TRIO: variants seen among roughly 807,000 people sequenced by gnomAD.
TRIO encodes triple functional domain protein.
A neutral mutation model predicts 351.9 loss-of-function variants in TRIO; 58 were observed. That is an observed-to-expected ratio of 0.16 (90% CI 0.13 to 0.21). TRIO has a LOEUF of 0.21. Among genes scored for constraint, TRIO ranks in the 10% least tolerant of loss-of-function variants. The pLI is 1.00. For missense variants in TRIO, 3,201 were observed against 4,027.8 expected, an observed-to-expected ratio of 0.79 and a Z score of 5.56; for synonymous variants, 1,758 against 1,595.7, an observed-to-expected ratio of 1.10 and a Z score of -2.42.
chr5:14,487,232 A>G (rs1455000735), intron 47 of TRIO, among the ~76,000 whole-genome samples: 1 of 152,140 alleles, frequency 6.6e-6, no homozygotes, highest in Non-Finnish European at 1.5e-5. Context: ...ACTGGCCCTT[A>G]GTCCGGGATG....
At chr5:14,202,723 G>A (rs1226807135) in intron 1 of TRIO, among the ~76,000 whole-genome samples, 2 of 147,348 alleles carry the variant, frequency 1.4e-5, no homozygotes, top group Non-Finnish European at 3.0e-5. Context: ...CCGCCAAGAC[G>A]TCTGTGACTG....
At chr5:14,273,867 TA>T (rs2152271660) in intron 2 of TRIO, among the ~76,000 whole-genome samples, 1 of 152,354 alleles carries the variant, frequency 6.6e-6, no homozygotes, top group South Asian at 2.1e-4. Flanking sequence ...AACTGTTTAT[TA>T]TGGAACATTT....
intron 1 of TRIO, among the ~76,000 whole-genome samples, chr5:14,231,586 C>T (rs939242719): frequency 1.3e-5 from 2 of 152,240 alleles, no homozygotes; most frequent in African/African-American, 2.4e-5. Context: ...GGGGCTGCCA[C>T]TTCCATCTTC....
At chr5:14,480,680 T>C (rs1442000040) in intron 43 of TRIO, among the ~76,000 whole-genome samples, 4 of 152,200 alleles carry the variant, frequency 2.6e-5, no homozygotes, top group Non-Finnish European at 5.9e-5. Flanking sequence ...AAAGAGCTTG[T>C]CTTGGATTAA....
intron 1 of TRIO, among the ~76,000 whole-genome samples, chr5:14,187,948 G>GT (rs1272781173): frequency 6.6e-6 from 1 of 152,110 alleles, no homozygotes; most frequent in African/African-American, 2.4e-5. Flanking sequence ...TCTTTATTGC[G>GT]TGAGAAGCAG....
At chr5:14,214,171 C>T (rs931720554) in intron 1 of TRIO, among the ~76,000 whole-genome samples, 2 of 152,178 alleles carry the variant, frequency 1.3e-5, no homozygotes, top group Admixed American at 6.5e-5. Flanking sequence ...AGGTGGAAAC[C>T]TAGAGAAGGG....
intron 11 of TRIO, among the ~76,000 whole-genome samples, chr5:14,342,320 C>A (rs1276367553): frequency 6.6e-6 from 1 of 152,218 alleles, no homozygotes; most frequent in East Asian, 1.9e-4. Context: ...GCCCAGATTT[C>A]TTTTCCTTCT....
intron 1 of TRIO, among the ~76,000 whole-genome samples, chr5:14,219,108 G>T (rs1792421601): frequency 6.6e-6 from 1 of 152,212 alleles, no homozygotes; most frequent in African/African-American, 2.4e-5. Context: ...GTGAATGTTT[G>T]TGAGATGGAA....
chr5:14,235,713 C>T (rs1405833365), intron 1 of TRIO, among the ~76,000 whole-genome samples: 1 of 151,550 alleles, frequency 6.6e-6, no homozygotes, highest in Admixed American at 6.6e-5. Flanking sequence ...CCATTCGAAT[C>T]CACAAGCATG....
rs1034736589 is a variant in TRIO at position 14,454,958 on chromosome 5, C to T, written c.5204-6061C>T. Among the ~76,000 whole-genome samples the T allele has an allele frequency of 2.3e-4, 34 of 148,716 alleles. 1 individual carries two copies. The highest frequency in any genetic ancestry group is 7.4e-4 in the Admixed American group (11 of 14,934). ...CTGCAGACCTTCGCGGTGAGTGTTA[C>T]AGCGCTTAAGGTGGCACGTCTGGAG... On this transcript the variant is annotated intron_variant, in intron 34 of 56. Transcript: ENST00000344204.
intron 1 of TRIO, among the ~76,000 whole-genome samples, chr5:14,200,692 G>A (rs1033246377): frequency 6.6e-6 from 1 of 152,192 alleles, no homozygotes; most frequent in African/African-American, 2.4e-5. Flanking sequence ...TGCAGTAAGG[G>A]AGGGAGTCAT....
At chr5:14,374,834 G>C (rs1186502066) in intron 19 of TRIO, among the ~76,000 whole-genome samples, 1 of 151,908 alleles carries the variant, frequency 6.6e-6, no homozygotes, top group Non-Finnish European at 1.5e-5. Flanking sequence ...GTAAAAACCT[G>C]TAAAACCGTG....
chr5:14,292,872 ACT>A, intron 5 of TRIO, 138 bp from the exon 6 acceptor site: 1 of 1,197,628 alleles, frequency 8.3e-7, no homozygotes, highest in East Asian at 2.4e-5. Flanking sequence ...CGAAGTAAAG[ACT>A]CTTCTGAGAG....
chr5:14,446,106 T>C lies in TRIO; in HGVS notation c.5204-14913T>C, dbSNP rs571128433. Among the ~76,000 whole-genome samples, 40 of 152,292 alleles carry C rather than the reference T, an allele frequency of 2.6e-4. 1 individual carries two copies. The highest frequency in any genetic ancestry group is 1.7e-3 in the South Asian group (8 of 4,824). On this transcript the variant is annotated intron_variant, in intron 34 of 56. Coordinates refer to ENST00000344204, the MANE Select transcript of TRIO (RefSeq NM_007118.4). The stretch of plus-strand genomic sequence containing the variant: ...ATTCCCTTTGTCTCCATCTCCGCGC[T>C]TGCTTTGTTCCTGCCTGGAATAACT...
At chr5:14,174,431 C>T (rs374262426) in intron 1 of TRIO, among the ~76,000 whole-genome samples, 7 of 152,304 alleles carry the variant, frequency 4.6e-5, no homozygotes, top group Admixed American at 3.3e-4. Context: ...CCCTAGGGGT[C>T]GGCTTTATGC....
At chr5:14,329,099 A>C (rs888570585) in intron 9 of TRIO, among the ~76,000 whole-genome samples, 4 of 152,108 alleles carry the variant, frequency 2.6e-5, no homozygotes, top group African/African-American at 9.7e-5. Flanking sequence ...TTTTCCCCCT[A>C]TATCTATGAA....
chr5:14,196,230 T>C (rs1790760408), intron 1 of TRIO, among the ~76,000 whole-genome samples: 1 of 152,058 alleles, frequency 6.6e-6, no homozygotes, highest in Admixed American at 6.6e-5. Flanking sequence ...GAGACCGGCC[T>C]GGCCAACATG....
At chr5:14,386,321 G>T (rs926820891) in intron 21 of TRIO, among the ~76,000 whole-genome samples, 2 of 152,142 alleles carry the variant, frequency 1.3e-5, no homozygotes, top group Non-Finnish European at 2.9e-5. Flanking sequence ...CGGGGGTGCT[G>T]TTGGGTGGCT....
intron 6 of TRIO, among the ~76,000 whole-genome samples, chr5:14,295,429 G>A (rs567265725): frequency 3.9e-5 from 6 of 152,120 alleles, no homozygotes; most frequent in Admixed American, 2.0e-4. Context: ...TGGAGAGATG[G>A]AAAAAGCATC....
Sources: allele counts gnomAD v4.1 joint callset (sites outside exome capture counted in the v4.1 genomes callset), GRCh38; gene constraint gnomAD v4.1.1; transcripts MANE v1.5; gene names NCBI Gene and HGNC (gene_info 2026-07-23, HGNC 2026-07-21).